The following DSCAM variants were observed in gnomAD, a reference collection of about 807,000 sequenced individuals.
DSCAM encodes the protein cell adhesion molecule DSCAM.
Under a neutral mutation model 217.7 loss-of-function variants are expected in DSCAM, and 47 were observed. The observed-to-expected ratio is 0.22, with a 90% CI of 0.17 to 0.28. DSCAM has a LOEUF of 0.28. DSCAM is among the 10% of genes least tolerant of loss of function. The pLI, the probability that DSCAM is intolerant of heterozygous loss-of-function variation, is 1.00. For synonymous variants in DSCAM, 1,056 were observed against 1,015.3 expected (o/e 1.04, Z -0.76); for missense variants, 2,080 against 2,618.3 (o/e 0.79, Z 4.49).
chr21:40,566,279 C>T (rs1480638728), intron 3 of DSCAM, among the ~76,000 whole-genome samples: 1 of 151,980 alleles, frequency 6.6e-6, no homozygotes, highest in East Asian at 1.9e-4. Context: ...AACAAGAATG[C>T]CATGGCCTGA....
chr21:40,234,985 T>C, intron 11 of DSCAM, among the ~76,000 whole-genome samples: 1 of 152,186 alleles, frequency 6.6e-6, no homozygotes, highest in Non-Finnish European at 1.5e-5. Flanking sequence ...TAAAAATCAC[T>C]ATCACTATCA....
intron 4 of DSCAM, among the ~76,000 whole-genome samples, chr21:40,362,780 CTTCT>C (rs1462275181): frequency 1.3e-5 from 2 of 151,988 alleles, no homozygotes; most frequent in African/African-American, 2.4e-5. Context: ...CAATAAGATT[CTTCT>C]TTCTTTCTTT....
intron 3 of DSCAM, among the ~76,000 whole-genome samples, chr21:40,578,661 C>T (rs531498279): frequency 6.6e-6 from 1 of 152,312 alleles, no homozygotes; most frequent in East Asian, 1.9e-4. Context: ...TGCTGCCACT[C>T]ACTTTTTGGG....
chr21:40,749,937 C>G (rs896482349), intron 1 of DSCAM, among the ~76,000 whole-genome samples: 2 of 146,642 alleles, frequency 1.4e-5, no homozygotes, highest in Admixed American at 1.4e-4. Flanking sequence ...CTTTCTTCTT[C>G]TTTTTTTTTT....
At chr21:40,096,788 T>C (rs1449049352) in intron 20 of DSCAM, among the ~76,000 whole-genome samples, 2 of 151,590 alleles carry the variant, frequency 1.3e-5, no homozygotes, top group African/African-American at 4.8e-5. Flanking sequence ...ATCTTAAAAG[T>C]AGCCAGAGAA....
rs137927222 is a variant in DSCAM at position 40,811,875 on chromosome 21, T to C, written c.43+34744A>G. On this transcript the variant is annotated intron_variant, in intron 1 of 32. Transcript: ENST00000400454. ...ACCTGGGACCACTGGAAGTCAACTT[T>C]GGTGTCTGTTCCGGCCTTTCTCACT... Among the ~76,000 whole-genome samples, 890 of 152,334 alleles carry C rather than the reference T, an allele frequency of 5.8e-3. 9 individuals are homozygous for C. Among genetic ancestry groups the C allele is most frequent in the Non-Finnish European group, 8.8e-3 (599 of 68,026 alleles).
chr21:40,605,866 T>C lies in DSCAM; in HGVS notation c.508+86944A>G, dbSNP rs542840939. 1.5e-3 allele frequency among the ~76,000 whole-genome samples: 206 copies of C among 140,154 alleles called. 2 individuals are homozygous for C. Among genetic ancestry groups the C allele is most frequent in the Middle Eastern group, 0.012 (3 of 254 alleles). 91.9% of individuals were successfully genotyped at this position (140,154 alleles called of 152,430 possible). A position where few individuals can be genotyped will look rare whatever the true frequency, so the allele number is the denominator to read the frequency against. On this transcript the variant is annotated intron_variant, in intron 3 of 32. Transcript: ENST00000400454. ...CCCAGGCTGGAATGCAGTGGTGCAG[T>C]CTCAGCTCACTGCAACCTCCACCTC...
chr21:40,315,573 G>A (rs999103829), intron 8 of DSCAM, among the ~76,000 whole-genome samples: 1 of 152,058 alleles, frequency 6.6e-6, no homozygotes, highest in Admixed American at 6.6e-5. Flanking sequence ...AAACCAAAAC[G>A]AAAACCAAAA....
At chr21:40,399,234 C>G (rs1191650456) in intron 3 of DSCAM, among the ~76,000 whole-genome samples, 1 of 152,100 alleles carries the variant, frequency 6.6e-6, no homozygotes, top group Non-Finnish European at 1.5e-5. Context: ...TGTGCCACTG[C>G]ACTTCAGCCT....
chr21:40,067,468 T>A (rs1206501070), intron 27 of DSCAM, among the ~76,000 whole-genome samples: 1 of 152,220 alleles, frequency 6.6e-6, no homozygotes, highest in South Asian at 2.1e-4. Flanking sequence ...CTTCCCTAAT[T>A]TTTTAAGTGG....
intron 1 of DSCAM, among the ~76,000 whole-genome samples, chr21:40,762,259 T>TA (rs1284325764): frequency 2.0e-5 from 3 of 150,984 alleles, no homozygotes; most frequent in South Asian, 4.2e-4. Flanking sequence ...ATAGACACAA[T>TA]AAAAAAATGA....
intron 3 of DSCAM, among the ~76,000 whole-genome samples, chr21:40,391,601 T>C (rs572368874): frequency 6.6e-5 from 10 of 152,226 alleles, no homozygotes; most frequent in African/African-American, 2.4e-4. Context: ...CTGTGGAGTT[T>C]TTCTACAGGT....
At chr21:40,148,173 T>A (rs1352365417) in intron 16 of DSCAM, among the ~76,000 whole-genome samples, 1 of 152,120 alleles carries the variant, frequency 6.6e-6, no homozygotes, top group Non-Finnish European at 1.5e-5. Context: ...CGTTATTTGA[T>A]GGTAGTAGTG....
chr21:40,404,663 C>A (rs2123783403), intron 3 of DSCAM, among the ~76,000 whole-genome samples: 1 of 152,336 alleles, frequency 6.6e-6, no homozygotes, highest in South Asian at 2.1e-4. Context: ...GCCAACACTC[C>A]ATTTAACACA....
chr21:40,266,657 A>ATT (rs1666795688), intron 11 of DSCAM, among the ~76,000 whole-genome samples: 3 of 124,626 alleles, frequency 2.4e-5, no homozygotes, highest in African/African-American at 6.4e-5. Context: ...ATATATATAT[A>ATT]TATATATATA....
intron 1 of DSCAM, among the ~76,000 whole-genome samples, chr21:40,819,068 C>T (rs1267820822): frequency 1.3e-5 from 2 of 152,176 alleles, no homozygotes; most frequent in Non-Finnish European, 2.9e-5. Context: ...GACTGAGCAC[C>T]TAAGGTAGGC....
chr21:40,116,156 C>A (rs562117888), intron 20 of DSCAM, among the ~76,000 whole-genome samples: 6 of 152,024 alleles, frequency 3.9e-5, no homozygotes, highest in Non-Finnish European at 4.4e-5. Context: ...ACAACACACA[C>A]CTTTCAGAGG....
intron 14 of DSCAM, among the ~76,000 whole-genome samples, chr21:40,180,203 CTT>C (rs2090784149): frequency 6.6e-6 from 1 of 152,124 alleles, no homozygotes; most frequent in South Asian, 2.1e-4. Flanking sequence ...ACCTCTGAGT[CTT>C]GGGAATGGGG....
chr21:40,752,336 G>A (rs1034800462), intron 1 of DSCAM, among the ~76,000 whole-genome samples: 13 of 152,046 alleles, frequency 8.6e-5, no homozygotes, highest in African/African-American at 2.7e-4. Context: ...TCGGCTTAAT[G>A]AGGTGGGGCC....
Sources: gnomAD v4.1 joint callset for allele counts (sites outside exome capture counted in the v4.1 genomes callset) on GRCh38, gnomAD v4.1.1 for gene constraint, MANE v1.5 for transcripts, NCBI Gene and HGNC (gene_info 2026-07-23, HGNC 2026-07-21) for gene names.